Variants in TSNARE1 observed in about 807,000 individuals in gnomAD.
The protein encoded by TSNARE1 is t-SNARE domain-containing protein 1.
In TSNARE1, 49 loss-of-function variants were observed where a neutral mutation model predicts 62.0. That is an observed-to-expected ratio of 0.79 (90% CI 0.63 to 1.00). The LOEUF (loss-of-function observed/expected upper bound fraction) is 1.00, where lower values mean the gene tolerates loss of function less well. TSNARE1 is among the 50% of genes least tolerant of loss of function. The pLI, the probability that TSNARE1 is intolerant of heterozygous loss-of-function variation, is 0.00. For missense variants in TSNARE1, 755 were observed against 700.1 expected (o/e 1.08, Z -0.88); for synonymous variants, 328 against 294.4 (o/e 1.11, Z -1.17).
chr8:142,277,873 T>G (rs1208507397), intron 11 of TSNARE1: 1 of 985,244 alleles, frequency 1.0e-6, no homozygotes, highest in African/African-American at 1.7e-5. Context: ...ACTAAGCACC[T>G]GGGCCACACC....
intron 12 of TSNARE1, among the ~76,000 whole-genome samples, chr8:142,242,513 C>T (rs1477792661): frequency 1.3e-5 from 2 of 152,340 alleles, no homozygotes; most frequent in East Asian, 1.9e-4. Context: ...CCAAACCATA[C>T]ACCTGATAAG....
chr8:142,321,822 G>C (rs1829525485), intron 6 of TSNARE1, among the ~76,000 whole-genome samples: 1 of 152,142 alleles, frequency 6.6e-6, no homozygotes, highest in Non-Finnish European at 1.5e-5. Flanking sequence ...TAAAAACATT[G>C]CTGCAAATAC....
rs1406317452 is a variant in TSNARE1, at chr8:142,319,790, G to GC, written c.894-1157dup. Among the ~76,000 whole-genome samples, 5 of 152,188 alleles carry GC rather than the reference G, an allele frequency of 3.3e-5. No homozygotes were observed. The highest frequency in any genetic ancestry group is 3.9e-4 in the East Asian group (2 of 5,144). ...CTGTGGCACACAGAGGAGTAAGACT[G>GC]CCCCCCCAGAACAGGCACCCAGCAG... On this transcript the variant is annotated intron_variant, in intron 6 of 13. Transcript: ENST00000524325. The surrounding 1 kb of genome is among the most constrained non-coding windows in gnomAD (Gnocchi z 4.9).
chr8:142,255,016 G>C (rs1818353831), intron 12 of TSNARE1, among the ~76,000 whole-genome samples: 1 of 152,058 alleles, frequency 6.6e-6, no homozygotes, highest in South Asian at 2.1e-4. Flanking sequence ...AGCCACCTTT[G>C]AGGATCTTGA....
intron 12 of TSNARE1, among the ~76,000 whole-genome samples, chr8:142,250,341 C>T (rs1430507613): frequency 1.3e-5 from 2 of 152,132 alleles, no homozygotes; most frequent in Admixed American, 6.5e-5. Flanking sequence ...GGAGTAGGAG[C>T]GAGTTAGAGC....
At chr8:142,267,331 CT>C (rs1819187063) in intron 12 of TSNARE1, among the ~76,000 whole-genome samples, 1 of 152,206 alleles carries the variant, frequency 6.6e-6, no homozygotes, top group Non-Finnish European at 1.5e-5. Flanking sequence ...GGACCTGGTG[CT>C]TATTCAGGCT....
chr8:142,225,596 G>A (rs535710261), intron 13 of TSNARE1, among the ~76,000 whole-genome samples: 1 of 152,172 alleles, frequency 6.6e-6, no homozygotes, highest in Non-Finnish European at 1.5e-5. Context: ...CAGCTGGGCC[G>A]CCACACCTCA....
At chr8:142,271,621 AG>A (rs1182673289) in intron 12 of TSNARE1, 12 of 1,435,132 alleles carry the variant, frequency 8.4e-6, no homozygotes, top group Non-Finnish European at 1.1e-5. Context: ...GGTCAGGTTC[AG>A]GCAGGCTGGG....
rs1824540354 is a variant in TSNARE1, at chr8:142,295,560, G to C, written c.1290+4926C>G. Among the ~76,000 whole-genome samples the C allele has an allele frequency of 7.2e-5, 11 of 152,368 alleles. 1 individual carries two copies. The South Asian group carries it at 2.3e-3, about 32-fold the overall frequency. On this transcript the variant is annotated intron_variant, in intron 10 of 13. Coordinates refer to ENST00000524325, the MANE Select transcript of TSNARE1 (RefSeq NM_145003.5). Reference sequence around the variant, plus strand: ...ACGGCTGCCCTGCGGCCAGTGAACAGGCCACAGAACACATAGGGGGCAGGC... The same window carrying C: ...ACGGCTGCCCTGCGGCCAGTGAACACGCCACAGAACACATAGGGGGCAGGC...
intron 1 of TSNARE1, among the ~76,000 whole-genome samples, chr8:142,391,260 A>G (rs9773499): frequency 0.057 from 5,302 of 92,270 alleles, 367 homozygotes; most frequent in East Asian, 0.094. Context: ...TGGGGACTCT[A>G]TAACAGACGC....
chr8:142,226,894 A>C (rs2130025400), intron 13 of TSNARE1, among the ~76,000 whole-genome samples: 1 of 152,098 alleles, frequency 6.6e-6, no homozygotes, highest in South Asian at 2.1e-4. Flanking sequence ...CCTCATCTGG[A>C]AAATGGACAC....
intron 2 of TSNARE1, among the ~76,000 whole-genome samples, chr8:142,346,423 C>T (rs1056799179): frequency 6.6e-6 from 1 of 152,274 alleles, no homozygotes; most frequent in East Asian, 1.9e-4. Flanking sequence ...AGCCCCCGCA[C>T]GGAACGCATC....
intron 2 of TSNARE1, among the ~76,000 whole-genome samples, chr8:142,346,594 T>C (rs1833398141): frequency 1.3e-5 from 2 of 152,378 alleles, no homozygotes; most frequent in Admixed American, 6.5e-5. Flanking sequence ...AGACACGCCG[T>C]GTGCGCCAGG....
intron 1 of TSNARE1, among the ~76,000 whole-genome samples, chr8:142,394,506 G>A (rs943750475): frequency 9.2e-5 from 14 of 152,264 alleles, no homozygotes; most frequent in African/African-American, 2.6e-4. Context: ...AGAACCTCCG[G>A]GGTTCCAAGG....
chr8:142,357,958 G>T (rs1834876326), intron 1 of TSNARE1, among the ~76,000 whole-genome samples: 1 of 151,940 alleles, frequency 6.6e-6, no homozygotes. Flanking sequence ...GGGCGGCGGG[G>T]TCTGCTGGGT....
In TSNARE1 at chr8:142,399,124, G is replaced by A. The variant is rs192458468; in HGVS notation, c.-40+3980C>T. 2.3e-3 allele frequency among the ~76,000 whole-genome samples: 348 copies of A among 152,352 alleles called. 1 individual carries two copies. Among genetic ancestry groups the A allele is most frequent in the African/African-American group, 7.4e-3 (306 of 41,584 alleles). ...ACACCCCGCCCATAAGGCATCTTCA[G>A]AAACCTATTCAAGGCACCTGGCTTG... On this transcript the variant is annotated intron_variant, in intron 1 of 13. Transcript: ENST00000524325.
chr8:142,237,572 TTGACAAGGAA>T (rs1817494802), intron 12 of TSNARE1, among the ~76,000 whole-genome samples: 2 of 152,174 alleles, frequency 1.3e-5, no homozygotes, highest in African/African-American at 2.4e-5. Flanking sequence ...ATCGAACATT[TTGACAAGGAA>T]GTCCTCCTGA....
At chr8:142,297,591 T>A (rs1824981985) in intron 10 of TSNARE1, among the ~76,000 whole-genome samples, 1 of 152,168 alleles carries the variant, frequency 6.6e-6, no homozygotes, top group African/African-American at 2.4e-5. Flanking sequence ...AGGAAAGGGC[T>A]ACAGCCAGCC....
At chr8:142,267,056 T>C (rs1372940556) in intron 12 of TSNARE1, among the ~76,000 whole-genome samples, 2 of 152,252 alleles carry the variant, frequency 1.3e-5, no homozygotes, top group Non-Finnish European at 2.9e-5. Context: ...TGTGATTTCA[T>C]CTTTTTATTT....
Sources: allele counts gnomAD v4.1 joint callset (sites outside exome capture counted in the v4.1 genomes callset), GRCh38; gene constraint gnomAD v4.1.1; non-coding constraint Gnocchi (gnomAD v3.1); transcripts MANE v1.5; gene names NCBI Gene and HGNC (gene_info 2026-07-23, HGNC 2026-07-21).